The following DVL3 variants were observed in gnomAD, a reference collection of about 807,000 sequenced individuals.
DVL3 encodes dishevelled segment polarity protein 3.
In DVL3, 27 loss-of-function variants were observed where a neutral mutation model predicts 67.4. The ratio of observed to expected loss-of-function variants is 0.40; its 90% confidence interval spans 0.30 to 0.55. The LOEUF (loss-of-function observed/expected upper bound fraction) is 0.55, where lower values mean the gene tolerates loss of function less well. Among genes scored for constraint, DVL3 ranks in the 20% least tolerant of loss-of-function variants. The probability of loss-of-function intolerance (pLI) is 0.46; values close to 1 mark genes in which losing one functional copy is unlikely to be tolerated. For missense variants in DVL3, 819 were observed against 1,021.5 expected (o/e 0.80, Z 2.70); for synonymous variants, 369 against 396.8 (o/e 0.93, Z 0.83).
At position 184,158,824 on chromosome 3, in the gene DVL3, G is replaced by A. The variant is rs566661418; in HGVS notation, c.161+3028G>A. ...GAGTTTTGCTCTCGTCACCCAGGCT[G>A]GAGTGCAGTGGCGCAATCTCGGCTC... On this transcript the variant is annotated intron_variant, in intron 1 of 14. Coordinates refer to ENST00000313143, the MANE Select transcript of DVL3 (RefSeq NM_004423.4). Among the ~76,000 whole-genome samples the A allele has an allele frequency of 2.8e-5, 4 of 142,670 alleles. 1 individual carries two copies. In the South Asian group the frequency reaches 8.8e-4, roughly 32 times the overall value. The allele number at this position is 142,670 out of a possible 152,430, so 93.6% of individuals were successfully genotyped here.
intron 1 of DVL3, chr3:184,156,473 C>CT (rs1225279963): frequency 4.4e-6 from 2 of 456,576 alleles, no homozygotes; most frequent in Non-Finnish European, 4.4e-6. Context: ...CCAATTCGGG[C>CT]TTTTTTCCTC....
chr3:184,165,309 T>C lies in DVL3; in HGVS notation c.693+103T>C. 5 of 1,536,860 alleles carry C rather than the reference T, an allele frequency of 3.3e-6. No homozygotes were observed. In the South Asian group the frequency reaches 3.6e-5, roughly 11 times the overall value. ...CTTAGATCCCATCCCCCTAGTGCAG[T>C]GTTGAGAACCTTGGGGCTGGGGGCT... On this transcript the variant is annotated intron_variant, in intron 6 of 14. Coordinates refer to ENST00000313143, the MANE Select transcript of DVL3 (RefSeq NM_004423.4). This position sits in a 1 kb window ranked among gnomAD's most constrained non-coding sequence, Gnocchi z 4.1.
At position 184,156,344 on chromosome 3, in the gene DVL3, T is replaced by G. The variant is rs1356671621; in HGVS notation, c.161+548T>G. ...CCTGGCCGCGAGCGGGGTCTGCAGA[T>G]CTGATGTTTATCTAGCTGCCTGCCC... On this transcript the variant is annotated intron_variant, in intron 1 of 14. Coordinates refer to ENST00000313143, the MANE Select transcript of DVL3 (RefSeq NM_004423.4). 5 of 456,556 alleles carry G rather than the reference T, an allele frequency of 1.1e-5. No individual in the cohort carries two copies. In the East Asian group the frequency reaches 3.5e-4, roughly 32 times the overall value. 28.3% of individuals were successfully genotyped at this position (456,556 alleles called of 1,614,324 possible). A position where few individuals can be genotyped will look rare whatever the true frequency, so the allele number is the denominator to read the frequency against.
chr3:184,167,852 T>A lies in DVL3; in HGVS notation c.1331-46T>A. 6.2e-7 allele frequency: 1 copy of A among 1,613,392 alleles called. No individual in the cohort carries two copies. The highest frequency in any genetic ancestry group is 1.1e-5 in the South Asian group (1 of 90,960). ...CATAGCTTCTGTGAGGCCAGATGAG[T>A]CCAAGTCAGATGGGCCTCCCCATCA... On this transcript the variant is annotated intron_variant, in intron 12 of 14. Transcript: ENST00000313143. The surrounding 1 kb of genome is among the most constrained non-coding windows in gnomAD (Gnocchi z 4.6).
At chr3:184,156,014 G>T (rs763950960) in intron 1 of DVL3, among the ~76,000 whole-genome samples, 18 of 152,108 alleles carry the variant, frequency 1.2e-4, no homozygotes, top group Non-Finnish European at 2.2e-4. Context: ...TTAAGGGGAC[G>T]TCCAATTCCC....
rs1160370567 is a variant in DVL3 at position 184,172,959 on chromosome 3, A to G, written c.*2204A>G. On this transcript the variant is annotated 3_prime_UTR_variant, in exon 15 of 15. Coordinates refer to ENST00000313143, the MANE Select transcript of DVL3 (RefSeq NM_004423.4). Reference sequence around the variant, plus strand: ...TCAACGATTGCTCATGCCTGTCAGTATCAGTGCTTCCATCGTTCCATCTTT... The same window carrying G: ...TCAACGATTGCTCATGCCTGTCAGTGTCAGTGCTTCCATCGTTCCATCTTT... 6.6e-6 allele frequency: 1 copy of G among 152,294 alleles called. No individual in the cohort carries two copies. The highest frequency in any genetic ancestry group is 1.9e-4 in the East Asian group (1 of 5,202). 9.4% of individuals were successfully genotyped at this position (152,294 alleles called of 1,614,324 possible).
In DVL3 at chr3:184,170,080, C is replaced by T. The variant is rs777497327; in HGVS notation, c.1573C>T (p.Pro525Ser). Residue 525 changes from proline (P) to serine (S), a missense_variant, in exon 14 of 15, where the codon CCG (proline) becomes TCG (serine). Around this residue, in one of 3 missense-constraint regions of DVL3, gnomAD observed 324 missense variants for 331.3 expected, o/e 0.98. Transcript: ENST00000313143. The surrounding 1 kb of genome is among the most constrained non-coding windows in gnomAD (Gnocchi z 6.5). The stretch of plus-strand genomic sequence containing the variant: ...TGACCAGGACACACTGGCCCCTTTG[C>T]CGCACCCGGGGGCCGCCCCTTGGCC... ...ASDQDTLAPL[P>S]HPGAAPWPMA... 1.5e-5 allele frequency: 24 copies of T among 1,613,948 alleles called. No homozygotes were observed. Among genetic ancestry groups the T allele is most frequent in the Non-Finnish European group, 2.0e-5 (24 of 1,179,924 alleles).
At chr3:184,168,780 G>A (rs1017584654) in intron 13 of DVL3, among the ~76,000 whole-genome samples, 2 of 152,224 alleles carry the variant, frequency 1.3e-5, no homozygotes, top group African/African-American at 4.8e-5. Context: ...TGTGAGCAGA[G>A]GGTGTCCCAG....
Position 184,170,585 on chromosome 3 carries a change from C to T in DVL3, c.1981C>T (p.Leu661Phe), listed in dbSNP as rs770346865. Reference sequence around the variant, plus strand: ...CTACGGTCCTCCCGGAGTGCCCCCTCTCTACGGCCCCCCCATGCTGATGAT... The same window carrying T: ...CTACGGTCCTCCCGGAGTGCCCCCTTTCTACGGCCCCCCCATGCTGATGAT... ...PSYGPPGVPP[L>F]YGPPMLMMPP... Residue 661 changes from leucine (L) to phenylalanine (F), a missense_variant, in exon 15 of 15, where the codon CTC becomes TTC. Physicochemically the swap from Leu to Phe is conservative, Grantham distance 22. This residue lies in a region of DVL3 where 324 missense variants were observed against 331.3 expected (regional missense o/e 0.98). Coordinates refer to ENST00000313143, the MANE Select transcript of DVL3 (RefSeq NM_004423.4). The surrounding 1 kb of genome is among the most constrained non-coding windows in gnomAD (Gnocchi z 6.5). 4.1e-5 allele frequency: 66 copies of T among 1,611,302 alleles called. No homozygotes were observed. The highest frequency in any genetic ancestry group is 4.9e-5 in the Non-Finnish European group (58 of 1,178,630).
Position 184,155,478 on chromosome 3 carries a change from G to T in DVL3, c.-158G>T. ...CCGCGGCGGCGGCGGGCGGCGCTGG[G>T]ACCCGGTAGCGGCCGGAGAACAAGG... On this transcript the variant is annotated 5_prime_UTR_variant, in exon 1 of 15. Coordinates refer to ENST00000313143, the MANE Select transcript of DVL3 (RefSeq NM_004423.4). This position sits in a 1 kb window ranked among gnomAD's most constrained non-coding sequence, Gnocchi z 5.4. 2 of 255,292 alleles carry T rather than the reference G, an allele frequency of 7.8e-6. No individual in the cohort carries two copies. Among genetic ancestry groups the T allele is most frequent in the South Asian group, 1.3e-4 (1 of 7,534 alleles). 15.8% of individuals were successfully genotyped at this position (255,292 alleles called of 1,614,324 possible). A position where few individuals can be genotyped will look rare whatever the true frequency, so the allele number is the denominator to read the frequency against.
rs1232459613 is a variant in DVL3, at chr3:184,170,211, G to C, written c.1704G>C (p.Gln568His). 6.2e-7 allele frequency: 1 copy of C among 1,611,664 alleles called. No homozygotes were observed. Among genetic ancestry groups the C allele is most frequent in the Non-Finnish European group, 8.5e-7 (1 of 1,179,710 alleles). ...ACGGCGGGGGCAGCGCCAGCAGTCAGCACAGCGAAGGTAAGGTAGAGGGGC... is the reference window on the plus strand; with the variant it reads ...ACGGCGGGGGCAGCGCCAGCAGTCACCACAGCGAAGGTAAGGTAGAGGGGC... Reference protein sequence around the residue: ...YSYGGGSASSQHSEGSRSSGS... With the variant: ...YSYGGGSASSHHSEGSRSSGS... Residue 568 changes from glutamine (Q) to histidine (H), a missense_variant, in exon 14 of 15, where the codon CAG becomes CAC. By Grantham distance (24) the Gln-to-His change is conservative (BLOSUM62 0). Coordinates refer to ENST00000313143, the MANE Select transcript of DVL3 (RefSeq NM_004423.4). The surrounding 1 kb of genome is among the most constrained non-coding windows in gnomAD (Gnocchi z 6.5).
chr3:184,155,615 G>T lies in DVL3; in HGVS notation c.-21G>T. The T allele has an allele frequency of 7.5e-7, 1 of 1,325,436 alleles. No individual in the cohort carries two copies. 82.1% of individuals were successfully genotyped at this position (1,325,436 alleles called of 1,614,324 possible). ...CGCCCGAGCAGGCCGCGCGCGGGCC[G>T]CCGGGCCCGAGGCCAGAGCCATGGG... is the stretch of plus-strand genomic sequence containing the variant. On this transcript the variant is annotated 5_prime_UTR_variant, in exon 1 of 15. Coordinates refer to ENST00000313143, the MANE Select transcript of DVL3 (RefSeq NM_004423.4). The surrounding 1 kb of genome is among the most constrained non-coding windows in gnomAD (Gnocchi z 5.4).
rs1714620454 is a variant in DVL3 at position 184,167,062 on chromosome 3, G to A, written c.1198+87G>A. 1 of 1,502,714 alleles carries A rather than the reference G, an allele frequency of 6.7e-7. No homozygotes were observed. Among genetic ancestry groups the A allele is most frequent in the Non-Finnish European group, 9.1e-7 (1 of 1,104,678 alleles). The allele number at this position is 1,502,714 out of a possible 1,614,324, so 93.1% of individuals were successfully genotyped here. ...GGTCCATGTGGAGACTCTTGCTTGA[G>A]CATCAGAGAGGGCTGGAGATGGGGC... On this transcript the variant is annotated intron_variant, in intron 11 of 14. Transcript: ENST00000313143. The surrounding 1 kb of genome is among the most constrained non-coding windows in gnomAD (Gnocchi z 4.6).
rs779413332 is a variant in DVL3, at chr3:184,165,342, G to C, written c.694-80G>C. On this transcript the variant is annotated intron_variant, in intron 6 of 14. Transcript: ENST00000313143. This position sits in a 1 kb window ranked among gnomAD's most constrained non-coding sequence, Gnocchi z 4.1. ...ACCTTGGGGCTGGGGGCTGCACCGG[G>C]GACTCACCTTGAGGAGGAGTCAGGT... is the stretch of plus-strand genomic sequence containing the variant. The C allele has an allele frequency of 1.3e-4, 199 of 1,552,370 alleles. No homozygotes were observed. The highest frequency in any genetic ancestry group is 1.6e-4 in the Non-Finnish European group (180 of 1,129,236).
chr3:184,166,062 T>G lies in DVL3; in HGVS notation c.764-64T>G. 6.3e-7 allele frequency: 1 copy of G among 1,582,154 alleles called. No homozygotes were observed. Among genetic ancestry groups the G allele is most frequent in the Non-Finnish European group, 8.6e-7 (1 of 1,166,688 alleles). ...TCAGTTCCTGTCCCTTTCCATTTTC[T>G]AATGGGCTGGGAATGCGGGTAGGAA... On this transcript the variant is annotated intron_variant, in intron 7 of 14. Coordinates refer to ENST00000313143, the MANE Select transcript of DVL3 (RefSeq NM_004423.4). This position sits in a 1 kb window ranked among gnomAD's most constrained non-coding sequence, Gnocchi z 6.7.
chr3:184,160,602 A>G (rs983871472), intron 1 of DVL3, among the ~76,000 whole-genome samples: 1 of 152,032 alleles, frequency 6.6e-6, no homozygotes, highest in Non-Finnish European at 1.5e-5. Flanking sequence ...GGAGAGTAAG[A>G]CCTGTCTGAG....
chr3:184,165,403 G>T lies in DVL3; in HGVS notation c.694-19G>T. The T allele has an allele frequency of 6.2e-7, 1 of 1,613,530 alleles. No homozygotes were observed. Among genetic ancestry groups the T allele is most frequent in the Non-Finnish European group, 8.5e-7 (1 of 1,179,592 alleles). ...TCCTGCCACCTCCACCTGCTGCTCA[G>T]GGCCTCTGTCTATTCCAGTCCTCGT... On this transcript the variant is annotated intron_variant, in intron 6 of 14. Coordinates refer to ENST00000313143, the MANE Select transcript of DVL3 (RefSeq NM_004423.4). The surrounding 1 kb of genome is among the most constrained non-coding windows in gnomAD (Gnocchi z 4.1).
In DVL3 at chr3:184,164,832, G is replaced by A. The variant is rs761533548; in HGVS notation, c.500G>A (p.Arg167Gln). Residue 167 changes from arginine to glutamine, a missense_variant, in exon 5 of 15, where the codon CGG becomes CAG. Arg to Gln is a conservative substitution (Grantham distance 43). Transcript: ENST00000313143. The surrounding 1 kb of genome is among the most constrained non-coding windows in gnomAD (Gnocchi z 5.3). Reference protein sequence around the residue: ...RLNGTAKGERRREPGGYDSSS... With the variant: ...RLNGTAKGERQREPGGYDSSS... ...AATGGAACTGCGAAGGGGGAACGGC[G>A]GCGAGAACCAGGGGGTTATGATAGC... 3.3e-5 allele frequency: 53 copies of A among 1,614,066 alleles called. 1 individual carries two copies. The highest frequency in any genetic ancestry group is 1.3e-4 in the South Asian group (12 of 91,088).
In DVL3 at chr3:184,170,376, C is replaced by T. The variant is rs754383852; in HGVS notation, c.1772C>T (p.Pro591Leu). 2 of 1,605,698 alleles carry T rather than the reference C, an allele frequency of 1.2e-6. No individual in the cohort carries two copies. Among genetic ancestry groups the T allele is most frequent in the Admixed American group, 1.7e-5 (1 of 58,910 alleles). ...SGSDRRKEKD[P>L]KAGDSKSGGS... ...AGCGATCGGAGGAAGGAGAAGGACCCGAAGGCCGGGGACTCCAAGTCCGGG... is the reference window on the plus strand; with the variant it reads ...AGCGATCGGAGGAAGGAGAAGGACCTGAAGGCCGGGGACTCCAAGTCCGGG... The change falls in exon 15 of 15, where the codon CCG (proline) becomes CTG (leucine). Residue 591 changes from proline (P) to leucine (L), a missense_variant. By Grantham distance (98) the Pro-to-Leu change is moderately conservative. Around this residue, in one of 3 missense-constraint regions of DVL3, gnomAD observed 324 missense variants for 331.3 expected, o/e 0.98. Coordinates refer to ENST00000313143, the MANE Select transcript of DVL3 (RefSeq NM_004423.4). This position sits in a 1 kb window ranked among gnomAD's most constrained non-coding sequence, Gnocchi z 6.5.
Sources: allele counts gnomAD v4.1 joint callset (sites outside exome capture counted in the v4.1 genomes callset), GRCh38; gene constraint gnomAD v4.1.1; regional missense constraint gnomAD v4.1.1; non-coding constraint Gnocchi (gnomAD v3.1); transcripts MANE v1.5; gene names NCBI Gene and HGNC (gene_info 2026-07-23, HGNC 2026-07-21).